Variants in XRCC4 observed in about 807,000 individuals in gnomAD.
The protein encoded by XRCC4 is DNA repair protein XRCC4.
In XRCC4, 28 loss-of-function variants were observed where a neutral mutation model predicts 39.1. The observed-to-expected ratio is 0.72, with a 90% confidence interval of 0.53 to 0.98. The LOEUF (loss-of-function observed/expected upper bound fraction) is 0.98. XRCC4 is among the 50% of genes least tolerant of loss of function. XRCC4 has a pLI of 0.00. For missense variants in XRCC4, 350 were observed against 376.4 expected, an observed-to-expected ratio of 0.93 and a Z score of 0.58; for synonymous variants, 123 against 126.4, an observed-to-expected ratio of 0.97 and a Z score of 0.18.
chr5:83,362,511 A>C, the XRCC4 span, among the ~76,000 whole-genome samples: 1 of 152,162 alleles, frequency 6.6e-6, no homozygotes, highest in South Asian at 2.1e-4. Flanking sequence ...ACCAAAGGCT[A>C]TGTGTATTTA....
Position 83,138,902 on chromosome 5 carries a change from A to G in XRCC4, c.315+27699A>G, listed in dbSNP as rs574707714. ...TTATGTGTTTTGAGAGGTAATATATATTTTTTATTGCTTAATTTTAGACTT... is the reference window on the plus strand; with the variant it reads ...TTATGTGTTTTGAGAGGTAATATATGTTTTTTATTGCTTAATTTTAGACTT... On this transcript the variant is annotated intron_variant, in intron 3 of 7. Coordinates refer to ENST00000396027, the MANE Select transcript of XRCC4 (RefSeq NM_003401.5). Among the ~76,000 whole-genome samples the G allele has an allele frequency of 2.6e-5, 4 of 152,180 alleles. No individual in the cohort carries two copies. In the East Asian group the frequency reaches 7.7e-4, roughly 29 times the overall value.
intron 1 of XRCC4, among the ~76,000 whole-genome samples, chr5:83,091,702 T>A (rs926971510): frequency 1.3e-5 from 2 of 152,224 alleles, no homozygotes; most frequent in African/African-American, 4.8e-5. Context: ...TTATTTTTAT[T>A]TTTTAAAGCC....
intron 7 of XRCC4, among the ~76,000 whole-genome samples, chr5:83,325,190 C>T (rs1756210712): frequency 6.6e-6 from 1 of 152,004 alleles, no homozygotes; most frequent in South Asian, 2.1e-4. Flanking sequence ...GAGTCCATGA[C>T]CTTATCTGCT....
rs1023893079 is a variant in XRCC4, at chr5:83,124,724, T to A, written c.315+13521T>A. On this transcript the variant is annotated intron_variant, in intron 3 of 7. Transcript: ENST00000396027. ...AATGCATGCATGCTTATATATTGTC[T>A]GTGTGTACTTTTGTGCTACAATGGC... Among the ~76,000 whole-genome samples, 3 of 152,348 alleles carry A rather than the reference T, an allele frequency of 2.0e-5. No homozygotes were observed. In the South Asian group the frequency reaches 6.2e-4, roughly 32 times the overall value.
At chr5:83,326,320 C>A (rs1247351303) in intron 7 of XRCC4, among the ~76,000 whole-genome samples, 3 of 152,054 alleles carry the variant, frequency 2.0e-5, no homozygotes, top group Non-Finnish European at 4.4e-5. Flanking sequence ...GTCATGAAAT[C>A]TTTGTCTGTT....
intron 7 of XRCC4, among the ~76,000 whole-genome samples, chr5:83,259,932 C>CT (rs1227499734): frequency 1.3e-5 from 2 of 152,016 alleles, no homozygotes; most frequent in Admixed American, 1.3e-4. Context: ...AACTGGCAGC[C>CT]TAGTGGGAAC....
At chr5:83,331,905 C>G (rs536355871) in intron 7 of XRCC4, among the ~76,000 whole-genome samples, 1 of 152,080 alleles carries the variant, frequency 6.6e-6, no homozygotes, top group Non-Finnish European at 1.5e-5. Flanking sequence ...TCCAAGTACC[C>G]GTTTTTGTAT....
At chr5:83,183,482 T>C (rs1211665375) in intron 3 of XRCC4, among the ~76,000 whole-genome samples, 2 of 150,284 alleles carry the variant, frequency 1.3e-5, no homozygotes, top group East Asian at 2.0e-4. Flanking sequence ...GTGTGGTTTC[T>C]ACCTAAGCTC....
At chr5:83,265,014 A>G (rs1233096901) in intron 7 of XRCC4, among the ~76,000 whole-genome samples, 2 of 152,114 alleles carry the variant, frequency 1.3e-5, no homozygotes, top group Non-Finnish European at 2.9e-5. Context: ...ATACATATAT[A>G]GAGAGAAGGA....
At chr5:83,355,256 C>T (rs1469957207), downstream of XRCC4, among the ~76,000 whole-genome samples, 1 of 152,096 alleles carries the variant, frequency 6.6e-6, no homozygotes, top group Non-Finnish European at 1.5e-5. Flanking sequence ...TTAGGGTTGT[C>T]CACCCTCCCA....
chr5:83,120,577 G>C (rs1746963597), intron 3 of XRCC4, among the ~76,000 whole-genome samples: 1 of 152,144 alleles, frequency 6.6e-6, no homozygotes, highest in South Asian at 2.1e-4. Context: ...TATTTGCATA[G>C]TATAACATTT....
intron 7 of XRCC4, among the ~76,000 whole-genome samples, chr5:83,264,281 A>G (rs149488185): frequency 6.6e-6 from 1 of 152,268 alleles, no homozygotes; most frequent in East Asian, 1.9e-4. Flanking sequence ...TCAGGGTCCT[A>G]AAGAGCTCAT....
At chr5:83,209,008 CT>C (rs1291911854) in intron 6 of XRCC4, among the ~76,000 whole-genome samples, 2 of 151,742 alleles carry the variant, frequency 1.3e-5, no homozygotes, top group Non-Finnish European at 2.9e-5. Flanking sequence ...ACTTTCACCC[CT>C]ATCTAGTTGG....
chr5:83,169,644 T>C (rs1749635436), intron 3 of XRCC4, among the ~76,000 whole-genome samples: 1 of 152,222 alleles, frequency 6.6e-6, no homozygotes, highest in Non-Finnish European at 1.5e-5. Context: ...ATTTTTCTTC[T>C]CTAAATTTAA....
At chr5:83,190,047 G>A (rs1750625095) in intron 3 of XRCC4, among the ~76,000 whole-genome samples, 1 of 152,106 alleles carries the variant, frequency 6.6e-6, no homozygotes, top group African/African-American at 2.4e-5. Context: ...CTGCGTGACA[G>A]AGCGAGAATC....
intron 6 of XRCC4, among the ~76,000 whole-genome samples, chr5:83,211,985 GA>G (rs1021581053): frequency 1.1e-4 from 17 of 152,134 alleles, no homozygotes; most frequent in African/African-American, 3.9e-4. Flanking sequence ...ATACTTGGGG[GA>G]AAAAAGTAGT....
In XRCC4 at chr5:83,353,122, C is replaced by T. The variant is rs746726998; in HGVS notation, c.894-9C>T. The T allele has an allele frequency of 1.0e-5, 16 of 1,560,538 alleles. No individual in the cohort carries two copies. The South Asian group carries it at 1.5e-4, about 14-fold the overall frequency. ...AATAAAACTATTTTGATTTTCTTTT[C>T]AGTTCTAGGCCTGATTCTTCACTAC... On this transcript the variant is annotated splice_polypyrimidine_tract_variant and intron_variant, in intron 7 of 7. Coordinates refer to ENST00000396027, the MANE Select transcript of XRCC4 (RefSeq NM_003401.5).
At chr5:83,333,115 TG>T (rs1457375453) in intron 7 of XRCC4, among the ~76,000 whole-genome samples, 9 of 151,604 alleles carry the variant, frequency 5.9e-5, no homozygotes, top group Non-Finnish European at 1.3e-4. Context: ...ATATTGAACT[TG>T]AAAAAAAAAA....
In XRCC4 at chr5:83,195,971, G is replaced by A. The variant is rs772698637; in HGVS notation, c.482+35G>A. On this transcript the variant is annotated intron_variant, in intron 4 of 7. Transcript: ENST00000396027. ...CAGTTTGCTTGTGGTATAAAAATAC[G>A]GAGCCCTCTTTATGTTGTTATAGCT... 13 of 1,529,198 alleles carry A rather than the reference G, an allele frequency of 8.5e-6. No homozygotes were observed. In the African/African-American group the frequency reaches 1.1e-4, roughly 13 times the overall value. 94.7% of individuals were successfully genotyped at this position (1,529,198 alleles called of 1,614,324 possible).
Sources: gnomAD v4.1 joint callset for allele counts (sites outside exome capture counted in the v4.1 genomes callset) on GRCh38, gnomAD v4.1.1 for gene constraint, MANE v1.5 for transcripts, NCBI Gene and HGNC (gene_info 2026-07-23, HGNC 2026-07-21) for gene names.